MESD: variants seen among roughly 807,000 people sequenced by gnomAD.
MESD encodes LRP chaperone MESD.
A neutral mutation model predicts 12.9 loss-of-function variants in MESD; 7 were observed. The ratio of observed to expected loss-of-function variants is 0.54; its 90% CI spans 0.31 to 1.02. The LOEUF is 1.02. MESD is among the 50% of genes least tolerant of loss of function. The pLI is 0.05. For missense variants in MESD, 342 were observed against 296.7 expected (o/e 1.15, Z -1.12); for synonymous variants, 126 against 115.6 (o/e 1.09, Z -0.58).
At chr15:80,980,821 T>C (rs750444403) in intron 2 of MESD, among the ~76,000 whole-genome samples, 171 of 83,478 alleles carry the variant, frequency 2.0e-3, no homozygotes, top group Middle Eastern at 0.017. Flanking sequence ...ATAAATGCCC[T>C]TTTTTTTTTT....
exon 4 of MESD, chr15:80,951,960 T>C (rs1312642466): frequency 3.1e-6 from 1 of 321,138 alleles, no homozygotes; most frequent in Non-Finnish European, 6.2e-6. Context: ...AGATCCTACC[T>C]TGCCTTGCCC....
intron 3 of MESD, among the ~76,000 whole-genome samples, chr15:80,955,782 G>A (rs1343063410): frequency 6.6e-6 from 1 of 151,660 alleles, no homozygotes; most frequent in Non-Finnish European, 1.5e-5. Flanking sequence ...CACCACGCCT[G>A]GCTAATTTTT....
At chr15:80,949,528 C>G (rs1036860738) in intron 4 of MESD, 1 of 170,962 alleles carries the variant, frequency 5.8e-6, no homozygotes, top group African/African-American at 2.4e-5. Flanking sequence ...TGGACTTGGA[C>G]TAGATGACTC....
At chr15:80,963,569 G>A (rs915165465) in intron 3 of MESD, among the ~76,000 whole-genome samples, 13 of 152,104 alleles carry the variant, frequency 8.5e-5, no homozygotes, top group East Asian at 3.9e-4. Context: ...AGATCAATGC[G>A]AAAATCCTCA....
At chr15:80,957,272 A>G (rs1310607475) in intron 3 of MESD, among the ~76,000 whole-genome samples, 4 of 151,300 alleles carry the variant, frequency 2.6e-5, no homozygotes, top group Admixed American at 2.6e-4. Flanking sequence ...ACTGCAGAAG[A>G]AAAAAAAACA....
rs80116140 is a variant in MESD, at chr15:80,954,288, G to A, written c.*289-1992C>T. ...AGCCTCCTGCAGAGCATAGGCCATA[G>A]GTTTTCCCATATCTGGCAGAGTTCT... On this transcript the variant is annotated intron_variant, in intron 3 of 4. Coordinates refer to the MESD transcript ENST00000561312. Among the ~76,000 whole-genome samples, 193 of 152,290 alleles carry A rather than the reference G, an allele frequency of 1.3e-3. 4 individuals are homozygous for A. The East Asian group carries it at 0.031, about 25-fold the overall frequency.
chr15:80,958,727 C>T (rs1902031822), intron 3 of MESD, among the ~76,000 whole-genome samples: 1 of 152,138 alleles, frequency 6.6e-6, no homozygotes, highest in Admixed American at 6.5e-5. Context: ...GCAGTATAAA[C>T]AATCTGCAGA....
intron 3 of MESD, among the ~76,000 whole-genome samples, chr15:80,968,217 G>C (rs907128251): frequency 3.9e-5 from 6 of 152,258 alleles, no homozygotes; most frequent in Non-Finnish European, 8.8e-5. Flanking sequence ...GGGAACGGCA[G>C]ATGTTTCTGC....
rs1464973119 is a variant in MESD at position 80,976,089 on chromosome 15, C to G, written c.*3130G>C. ...TCTTGGCTCACTGCAACCTCCGCCT[C>G]CCGGGTTCAAGCCATTCTCCTGCCT... On this transcript the variant is annotated 3_prime_UTR_variant, in exon 3 of 3. Coordinates refer to ENST00000261758, the MANE Select transcript of MESD (RefSeq NM_015154.3). The G allele has an allele frequency of 6.6e-6, 1 of 152,380 alleles. No individual in the cohort carries two copies. The highest frequency in any genetic ancestry group is 1.5e-5 in the Non-Finnish European group (1 of 68,172). 9.4% of individuals were successfully genotyped at this position (152,380 alleles called of 1,614,324 possible).
At chr15:80,975,208 CAAA>C (rs1010133981), downstream of MESD, among the ~76,000 whole-genome samples, 10 of 65,266 alleles carry the variant, frequency 1.5e-4, no homozygotes, top group African/African-American at 4.9e-4. Context: ...TCCATTTCTC[CAAA>C]AAAAAAAAAC....
downstream of MESD, chr15:80,946,923 T>G: frequency 7.2e-7 from 1 of 1,390,508 alleles, no homozygotes; most frequent in Non-Finnish European, 1.0e-6. Context: ...CTTTCTCCAG[T>G]TTGCTCTCTC....
At chr15:80,972,913 T>C (rs982369799), downstream of MESD, among the ~76,000 whole-genome samples, 1 of 152,022 alleles carries the variant, frequency 6.6e-6, no homozygotes, top group Non-Finnish European at 1.5e-5. Flanking sequence ...TTCCAGCTAC[T>C]TGGGAGGCTG....
chr15:80,957,296 A>G (rs1267659554), intron 3 of MESD, among the ~76,000 whole-genome samples: 2 of 152,210 alleles, frequency 1.3e-5, no homozygotes, highest in African/African-American at 4.8e-5. Context: ...TACAGTCTCC[A>G]TAAAGAGAGG....
rs1902084307 is a variant in MESD at position 80,961,305 on chromosome 15, A to G, written c.*289-9009T>C. ...AAAAAAAAAGGAAAAGAAAAGAAAG[A>G]AAAACAGCAAAAGGGGGCCAGATTA... On this transcript the variant is annotated intron_variant, in intron 3 of 4. Transcript: ENST00000561312. Among the ~76,000 whole-genome samples the G allele has an allele frequency of 2.6e-5, 4 of 151,856 alleles. No homozygotes were observed. The South Asian group carries it at 8.3e-4, about 31-fold the overall frequency.
intron 3 of MESD, among the ~76,000 whole-genome samples, chr15:80,959,194 G>A (rs988385912): frequency 2.6e-5 from 4 of 152,176 alleles, no homozygotes; most frequent in East Asian, 1.9e-4. Flanking sequence ...ACAGTTTTCC[G>A]GAGAGCCTGC....
rs1200622844 is a variant in MESD, at chr15:80,976,345, G to A, written c.*2874C>T. The A allele has an allele frequency of 6.6e-6, 1 of 152,318 alleles. No homozygotes were observed. Among genetic ancestry groups the A allele is most frequent in the African/African-American group, 2.4e-5 (1 of 41,464 alleles). The allele number at this position is 152,318 out of a possible 1,614,324, so 9.4% of individuals were successfully genotyped here. On this transcript the variant is annotated 3_prime_UTR_variant, in exon 3 of 3. Transcript: ENST00000261758. ...ACTGGGCAGACTGTTTCTCAGCTCA[G>A]CTTATGTTGGCTCCCCTCAGTGTCA...
chr15:80,982,517 G>C (rs1402811948), intron 1 of MESD, among the ~76,000 whole-genome samples: 1 of 152,176 alleles, frequency 6.6e-6, no homozygotes, highest in Non-Finnish European at 1.5e-5. Flanking sequence ...CACAGCAACA[G>C]AGAACAAATA....
Position 80,989,819 on chromosome 15 carries a change from C to T in MESD, c.-28G>A, listed in dbSNP as rs748088440. The T allele has an allele frequency of 2.1e-5, 32 of 1,536,500 alleles. No homozygotes were observed. The highest frequency in any genetic ancestry group is 2.8e-5 in the Non-Finnish European group (32 of 1,146,128). On this transcript the variant is annotated 5_prime_UTR_variant, in exon 1 of 3. Transcript: ENST00000261758. ...TCGCTGCGCCGCGCAGCGCCCTAGACGCGCTTACCCGACCTGCGCGGGCCG... is the reference window on the plus strand; with the variant it reads ...TCGCTGCGCCGCGCAGCGCCCTAGATGCGCTTACCCGACCTGCGCGGGCCG...
At chr15:80,987,198 C>G (rs572531238) in intron 1 of MESD, among the ~76,000 whole-genome samples, 1 of 152,186 alleles carries the variant, frequency 6.6e-6, no homozygotes, top group Admixed American at 6.5e-5. Context: ...CAGCCTCTCA[C>G]TGAAGCACTG....
Sources: gnomAD v4.1 joint callset for allele counts (sites outside exome capture counted in the v4.1 genomes callset) on GRCh38, gnomAD v4.1.1 for gene constraint, MANE v1.5 for transcripts, NCBI Gene and HGNC (gene_info 2026-07-23, HGNC 2026-07-21) for gene names.